Variants in PNLIPRP1 observed in about 807,000 individuals in gnomAD.
PNLIPRP1 encodes inactive pancreatic lipase-related protein 1.
PNLIPRP1 carries 57 observed loss-of-function variants against 54.6 expected under a neutral mutation model. The ratio of observed to expected loss-of-function variants is 1.04; its 90% CI spans 0.84 to 1.30. The LOEUF is 1.30. PNLIPRP1 is among the 50% of genes most tolerant of loss of function. The pLI is 0.00. For synonymous variants in PNLIPRP1, 232 were observed against 208.8 expected (o/e 1.11, Z -0.96); for missense variants, 567 against 568.5 (o/e 1.00, Z 0.03).
rs10640431 is a variant in PNLIPRP1 at position 116,599,256 on chromosome 10, GAAAAT to G, written c.815-751_815-747del. Among the ~76,000 whole-genome samples, 1,044 of 133,932 alleles carry G rather than the reference GAAAAT, an allele frequency of 7.8e-3. 8 individuals carry two copies. Among genetic ancestry groups the G allele is most frequent in the African/African-American group, 0.023 (805 of 35,490 alleles). 87.9% of individuals were successfully genotyped at this position (133,932 alleles called of 152,430 possible). On this transcript the variant is annotated intron_variant, in intron 8 of 12. Transcript: ENST00000358834. ...GGCAACAAGAGCGAAACTCCATCTC[GAAAAT>G]AAAATAAAATAAAATAAAATAAAAT...
At chr10:116,598,026 T>G (rs1554864195) in intron 7 of PNLIPRP1, 21 bp from the exon 8 acceptor site, 1 of 1,614,098 alleles carries the variant, frequency 6.2e-7, no homozygotes, top group Non-Finnish European at 8.5e-7. Flanking sequence ...AAAAAGCTCA[T>G]TGTTTTTCTA....
At chr10:116,601,277 AC>A (rs1847834539) in intron 10 of PNLIPRP1, 76 bp downstream of exon 10, 2 of 1,337,978 alleles carry the variant, frequency 1.5e-6, no homozygotes, top group African/African-American at 1.5e-5. Flanking sequence ...CTTGCTTTCA[AC>A]CTGAAATATT....
chr10:116,603,632 C>G (rs981603957), intron 10 of PNLIPRP1, among the ~76,000 whole-genome samples: 4 of 152,226 alleles, frequency 2.6e-5, no homozygotes, highest in African/African-American at 9.6e-5. Context: ...GTGGCTCACG[C>G]CTGTATTCCC....
intron 10 of PNLIPRP1, among the ~76,000 whole-genome samples, chr10:116,601,521 G>A (rs1554864782): frequency 6.6e-6 from 1 of 152,104 alleles, no homozygotes; most frequent in African/African-American, 2.4e-5. Flanking sequence ...CCTTTTTAAG[G>A]CCGCATCAGA....
At chr10:116,607,668 C>T (rs1847958360) in intron 12 of PNLIPRP1, among the ~76,000 whole-genome samples, 1 of 152,046 alleles carries the variant, frequency 6.6e-6, no homozygotes. Context: ...TGGGAAGGGG[C>T]CAAGGAACAC....
At chr10:116,595,151 G>A (rs998977398) in intron 5 of PNLIPRP1, 10 of 374,740 alleles carry the variant, frequency 2.7e-5, no homozygotes, top group Non-Finnish European at 5.0e-5. Flanking sequence ...TAAAGCAAAT[G>A]AATAGAAGAC....
At position 116,596,196 on chromosome 10, in the gene PNLIPRP1, A is replaced by G. The variant is rs367703491; in HGVS notation, c.466-18A>G. 5.9e-6 allele frequency: 9 copies of G among 1,530,220 alleles called. No homozygotes were observed. In the African/African-American group the frequency reaches 1.2e-4, roughly 21 times the overall value. The allele number at this position is 1,530,220 out of a possible 1,614,324, so 94.8% of individuals were successfully genotyped here. A position where few individuals can be genotyped will look rare whatever the true frequency, so the allele number is the denominator to read the frequency against. On this transcript the variant is annotated intron_variant, in intron 5 of 12. Coordinates refer to ENST00000358834, the MANE Select transcript of PNLIPRP1 (RefSeq NM_006229.4). ...CCACAGCAAAAAATGTCCTGAAAATACAATCTTCCCTCTCCAGACAGAGTA... is the reference window on the plus strand; with the variant it reads ...CCACAGCAAAAAATGTCCTGAAAATGCAATCTTCCCTCTCCAGACAGAGTA...
At chr10:116,606,180 G>A (rs572263445) in intron 12 of PNLIPRP1, among the ~76,000 whole-genome samples, 33 of 152,210 alleles carry the variant, frequency 2.2e-4, no homozygotes, top group Non-Finnish European at 4.4e-4. Context: ...GGAGATCCTG[G>A]GCTCTCAGCC....
At chr10:116,594,942 T>C in intron 5 of PNLIPRP1, 78 bp downstream of exon 5, 1 of 1,518,858 alleles carries the variant, frequency 6.6e-7, no homozygotes, top group Non-Finnish European at 9.0e-7. Flanking sequence ...CAGCTGAGAG[T>C]TATGGATTAA....
At chr10:116,592,566 G>A (rs377320214) in intron 4 of PNLIPRP1, 25 bp downstream of exon 4, 1 of 1,613,608 alleles carries the variant, frequency 6.2e-7, no homozygotes, top group Non-Finnish European at 8.5e-7. Flanking sequence ...TGATCCCTGT[G>A]GCCAGCTGAG....
At chr10:116,607,535 G>C (rs1265061717) in intron 12 of PNLIPRP1, among the ~76,000 whole-genome samples, 2 of 152,180 alleles carry the variant, frequency 1.3e-5, no homozygotes, top group Non-Finnish European at 2.9e-5. Context: ...AAGGGCACAG[G>C]GGCAGGGCAA....
At chr10:116,607,274 T>C (rs1225122747) in intron 12 of PNLIPRP1, among the ~76,000 whole-genome samples, 2 of 151,864 alleles carry the variant, frequency 1.3e-5, no homozygotes, top group Non-Finnish European at 2.9e-5. Context: ...CAAATGACTT[T>C]ATTCAGTACC....
chr10:116,595,848 G>A (rs1222631324), intron 5 of PNLIPRP1: 1 of 176,250 alleles, frequency 5.7e-6, no homozygotes, highest in Non-Finnish European at 1.2e-5. Flanking sequence ...GGTGGGGAAA[G>A]GGCTTAAGGA....
intron 6 of PNLIPRP1, among the ~76,000 whole-genome samples, chr10:116,596,604 G>A (rs111467419): frequency 6.6e-6 from 1 of 152,114 alleles, no homozygotes; most frequent in African/African-American, 2.4e-5. Context: ...CCTCTCAACA[G>A]GACTGGGCAC....
intron 2 of PNLIPRP1, among the ~76,000 whole-genome samples, chr10:116,591,411 T>C (rs1248348631): frequency 6.6e-6 from 1 of 152,206 alleles, no homozygotes; most frequent in African/African-American, 2.4e-5. Flanking sequence ...CAGACATTTC[T>C]AGGTAAAGCA....
At chr10:116,607,137 C>T (rs1157212097) in intron 12 of PNLIPRP1, among the ~76,000 whole-genome samples, 1 of 151,990 alleles carries the variant, frequency 6.6e-6, no homozygotes, top group East Asian at 1.9e-4. Flanking sequence ...GTTTCAATTC[C>T]TACTAAGGAA....
In PNLIPRP1 at chr10:116,600,168, A is replaced by C. The variant is rs782706605; in HGVS notation, c.933+3A>C. ...CTTCCTACAAGTCCTTTGAGTCTGT[A>C]AGCTATTGTCCTGCCTCGAGCAACA... On this transcript the variant is annotated splice_donor_region_variant and intron_variant, in intron 9 of 12. Coordinates refer to ENST00000358834, the MANE Select transcript of PNLIPRP1 (RefSeq NM_006229.4). 3.8e-6 allele frequency: 6 copies of C among 1,580,488 alleles called. No individual in the cohort carries two copies. Among genetic ancestry groups the C allele is most frequent in the Middle Eastern group, 1.7e-4 (1 of 5,998 alleles).
At chr10:116,591,078 C>T in intron 1 of PNLIPRP1, 52 bp from the exon 2 acceptor site, 1 of 1,469,304 alleles carries the variant, frequency 6.8e-7, no homozygotes, top group Non-Finnish European at 9.5e-7. Flanking sequence ...CGTCGGTGCT[C>T]ACTGCTCTGG....
chr10:116,591,500 T>C (rs1367438405), intron 2 of PNLIPRP1, among the ~76,000 whole-genome samples: 6 of 152,180 alleles, frequency 3.9e-5, no homozygotes, highest in Non-Finnish European at 7.4e-5. Context: ...TCAGAAGAGC[T>C]AGGAATGGGA....
Sources: allele counts gnomAD v4.1 joint callset (sites outside exome capture counted in the v4.1 genomes callset), GRCh38; gene constraint gnomAD v4.1.1; transcripts MANE v1.5; gene names NCBI Gene and HGNC (gene_info 2026-07-23, HGNC 2026-07-21).